The following ACAD10 variants were observed in gnomAD, a reference collection of about 807,000 sequenced individuals.
The protein encoded by ACAD10 is acyl-CoA dehydrogenase family member 10.
A neutral mutation model predicts 116.8 loss-of-function variants in ACAD10; 112 were observed. The ratio of observed to expected loss-of-function variants is 0.96; its 90% CI spans 0.82 to 1.12. The LOEUF (loss-of-function observed/expected upper bound fraction) is 1.12, where lower values mean the gene tolerates loss of function less well. Among genes scored for constraint, ACAD10 ranks in the 50% most tolerant of loss-of-function variants. The pLI is 0.00. For synonymous variants in ACAD10, 486 were observed against 510.6 expected, an observed-to-expected ratio of 0.95 and a Z score of 0.65; for missense variants, 1,259 against 1,350.2, an observed-to-expected ratio of 0.93 and a Z score of 1.06.
chr12:111,737,072 G>A, intron 12 of ACAD10, 68 bp downstream of exon 12: 1 of 1,537,306 alleles, frequency 6.5e-7, no homozygotes, highest in African/African-American at 1.4e-5. Context: ...CCTCCACCTG[G>A]AAACCCTCTC....
intron 20 of ACAD10, 38 bp downstream of exon 20, chr12:111,755,783 C>T: frequency 6.3e-7 from 1 of 1,589,798 alleles, no homozygotes; most frequent in Non-Finnish European, 8.6e-7. Flanking sequence ...TTTGAACCAT[C>T]AATACTAGAT....
chr12:111,688,672 G>GCGAGCGCCTGTAGTCTCAGCTACT (rs1887951564), intron 1 of ACAD10, among the ~76,000 whole-genome samples: 3 of 152,038 alleles, frequency 2.0e-5, no homozygotes, highest in Non-Finnish European at 4.4e-5. Context: ...GGATGTGGTG[G>GCGAGCGCCTGTAGTCTCAGCTACT]CGAGCGCCTG....
At position 111,736,830 on chromosome 12, in the gene ACAD10, G is replaced by A. The variant is rs753688492; in HGVS notation, c.1541-1G>A. On this transcript the variant is annotated splice_acceptor_variant, in intron 11 of 20. Transcript: ENST00000313698. LOFTEE classifies it high-confidence loss of function. ...CATGAATGGCTCTGTCTTTCTCGCA[G>A]GTATTAATGACTGTGACTTGACACA... The A allele has an allele frequency of 6.8e-6, 11 of 1,611,304 alleles. No individual in the cohort carries two copies. In the South Asian group the frequency reaches 1.1e-4, roughly 16 times the overall value.
intron 2 of ACAD10, among the ~76,000 whole-genome samples, chr12:111,694,362 A>G (rs1004210426): frequency 1.7e-4 from 26 of 152,018 alleles, no homozygotes; most frequent in Admixed American, 1.3e-3. Flanking sequence ...ACCCCCAAAT[A>G]TTCTTGCTCT....
At chr12:111,755,881 C>A (rs753546734) in intron 20 of ACAD10, 136 bp downstream of exon 20, 2 of 921,022 alleles carry the variant, frequency 2.2e-6, no homozygotes, top group East Asian at 2.5e-5. Context: ...TGCAACTTTC[C>A]TTTTCCTCTT....
At position 111,756,951 on chromosome 12, in the gene ACAD10, G is replaced by T; in HGVS notation, c.*478G>T. On this transcript the variant is annotated 3_prime_UTR_variant, in exon 21 of 21. Transcript: ENST00000313698. The stretch of plus-strand genomic sequence containing the variant: ...TGGCCTAGAGACCCAGGACCTGGGC[G>T]CCTGGGAAAATGGAATGCAACCCAC... 2.2e-6 allele frequency: 1 copy of T among 446,594 alleles called. No individual in the cohort carries two copies. The highest frequency in any genetic ancestry group is 1.6e-5 in the South Asian group (1 of 63,902). 27.7% of individuals were successfully genotyped at this position (446,594 alleles called of 1,614,324 possible). A position where few individuals can be genotyped will look rare whatever the true frequency, so the allele number is the denominator to read the frequency against.
intron 5 of ACAD10, chr12:111,710,494 GA>G: frequency 1.3e-5 from 3 of 233,506 alleles, no homozygotes; most frequent in South Asian, 4.0e-5. Flanking sequence ...AGGGTATTGT[GA>G]AATTTTTTTT....
At chr12:111,754,279 C>T (rs1593059479) in intron 19 of ACAD10, among the ~76,000 whole-genome samples, 1 of 152,188 alleles carries the variant, frequency 6.6e-6, no homozygotes. Flanking sequence ...AGCTTATTTT[C>T]AAGTGTGACA....
At chr12:111,755,869 C>T (rs1323558210) in intron 20 of ACAD10, 124 bp downstream of exon 20, 2 of 986,160 alleles carry the variant, frequency 2.0e-6, no homozygotes, top group South Asian at 2.6e-5. Flanking sequence ...ACTCACCATG[C>T]ATGCAACTTT....
chr12:111,722,676 A>C (rs1889050711), intron 8 of ACAD10, among the ~76,000 whole-genome samples: 1 of 152,160 alleles, frequency 6.6e-6, no homozygotes, highest in Admixed American at 6.5e-5. Flanking sequence ...GACACAGCAC[A>C]TGTTTCAGAG....
chr12:111,748,491 G>T lies in ACAD10; in HGVS notation c.2644+16G>T, dbSNP rs375307751. 1 of 1,612,372 alleles carries T rather than the reference G, an allele frequency of 6.2e-7. No homozygotes were observed. Among genetic ancestry groups the T allele is most frequent in the African/African-American group, 1.3e-5 (1 of 75,000 alleles). On this transcript the variant is annotated intron_variant, in intron 17 of 20. Transcript: ENST00000313698. ...GATGCACCAGGTGAGACCTCCAGGG[G>T]CGGGTCACCCCTGGGTGTGGGTCTG... is the stretch of plus-strand genomic sequence containing the variant.
intron 10 of ACAD10, among the ~76,000 whole-genome samples, chr12:111,732,748 C>T (rs1168740377): frequency 2.0e-5 from 3 of 152,138 alleles, no homozygotes; most frequent in Non-Finnish European, 4.4e-5. Flanking sequence ...TTAGAGGAAC[C>T]GCTGAAGAAC....
chr12:111,712,022 C>T (rs1042191679), intron 5 of ACAD10, among the ~76,000 whole-genome samples: 2 of 151,978 alleles, frequency 1.3e-5, no homozygotes, highest in Admixed American at 1.3e-4. Context: ...CTTTGTTTTC[C>T]TCTACCTTTG....
At chr12:111,694,021 C>T (rs924588784) in intron 2 of ACAD10, among the ~76,000 whole-genome samples, 1 of 152,144 alleles carries the variant, frequency 6.6e-6, no homozygotes, top group Non-Finnish European at 1.5e-5. Context: ...ATTCTCATGC[C>T]AGCCAGCAGG....
At chr12:111,749,133 ACTATGG>A (rs760710533) in intron 17 of ACAD10, 34 bp from the exon 18 acceptor site, 2 of 1,613,682 alleles carry the variant, frequency 1.2e-6, no homozygotes, top group East Asian at 4.5e-5. Context: ...AAGGAAAATG[ACTATGG>A]CTATTGCTCA....
chr12:111,705,909 C>G lies in ACAD10; in HGVS notation c.508C>G (p.Leu170Val). ...TCCCAACCAGAAAAGCTTTTTGCCC[C>G]TGGACCGGAAACAGTTTGATGTGGT... Reference protein sequence around the residue: ...YLPNQKSFLPLDRKQFDVIVE... With the variant: ...YLPNQKSFLPVDRKQFDVIVE... Residue 170 changes from leucine (L) to valine (V), a missense_variant, in exon 4 of 21, where the codon CTG becomes GTG. Physicochemically the swap from Leu to Val is conservative, Grantham distance 32. Transcript: ENST00000313698. 6.2e-7 allele frequency: 1 copy of G among 1,614,094 alleles called. No individual in the cohort carries two copies. Among genetic ancestry groups the G allele is most frequent in the East Asian group, 2.2e-5 (1 of 44,874 alleles).
intron 2 of ACAD10, among the ~76,000 whole-genome samples, chr12:111,699,758 A>G (rs1186245038): frequency 6.6e-6 from 1 of 151,960 alleles, no homozygotes; most frequent in Non-Finnish European, 1.5e-5. Flanking sequence ...CATTTCTACA[A>G]AAAATAAAAA....
Position 111,747,362 on chromosome 12 carries a change from A to T in ACAD10, c.2462A>T (p.Asn821Ile), listed in dbSNP as rs141918583. 3.2e-4 allele frequency: 510 copies of T among 1,614,034 alleles called. No homozygotes were observed. The highest frequency in any genetic ancestry group is 4.1e-4 in the Non-Finnish European group (487 of 1,180,034). ...GAGGAGGACAGCTTCTATGTCATAA[A>T]CGGTCACAAATGGTGGATCACAGGT... is the stretch of plus-strand genomic sequence containing the variant. The part of the protein sequence containing the change: ...IREEDSFYVI[N>I]GHKWWITGIL... The change falls in exon 16 of 21, where the codon AAC (asparagine) becomes ATC (isoleucine). Residue 821 changes from asparagine to isoleucine, a missense_variant. Physicochemically the swap from Asn to Ile is moderately radical, Grantham distance 149 (BLOSUM62 -3). Coordinates refer to ENST00000313698, the MANE Select transcript of ACAD10 (RefSeq NM_025247.6).
At chr12:111,689,586 A>G (rs1887979271) in intron 1 of ACAD10, among the ~76,000 whole-genome samples, 1 of 151,726 alleles carries the variant, frequency 6.6e-6, no homozygotes, top group Non-Finnish European at 1.5e-5. Flanking sequence ...AATGTTGACC[A>G]GGTTGGTCTC....
Sources: allele counts gnomAD v4.1 joint callset (sites outside exome capture counted in the v4.1 genomes callset), GRCh38; gene constraint gnomAD v4.1.1; transcripts MANE v1.5; gene names NCBI Gene and HGNC (gene_info 2026-07-23, HGNC 2026-07-21).